The following PPFIBP1 variants were observed in gnomAD, a reference collection of about 807,000 sequenced individuals.
PPFIBP1 encodes PPFIB scaffold protein 1.
Under a neutral mutation model 137.8 loss-of-function variants are expected in PPFIBP1, and 112 were observed. The observed-to-expected ratio is 0.81, with a 90% CI of 0.70 to 0.95. The LOEUF is 0.95. PPFIBP1 is among the 40% of genes least tolerant of loss of function. The pLI is 0.00. For synonymous variants in PPFIBP1, 378 were observed against 417.3 expected (o/e 0.91, Z 1.15); for missense variants, 1,083 against 1,196.6 (o/e 0.91, Z 1.40).
chr12:27,642,195 A>C (rs947064569), intron 4 of PPFIBP1, among the ~76,000 whole-genome samples: 4 of 152,212 alleles, frequency 2.6e-5, no homozygotes, highest in Non-Finnish European at 5.9e-5. Flanking sequence ...TTCCTTAATT[A>C]AATCAAAGTA....
intron 1 of PPFIBP1, among the ~76,000 whole-genome samples, chr12:27,545,240 G>C (rs1041332068): frequency 1.3e-5 from 2 of 152,220 alleles, no homozygotes; most frequent in South Asian, 2.1e-4. Flanking sequence ...TTGGAGGGGT[G>C]GGGGGCAAAG....
At chr12:27,618,458 T>C (rs888918508) in intron 2 of PPFIBP1, among the ~76,000 whole-genome samples, 5 of 152,250 alleles carry the variant, frequency 3.3e-5, no homozygotes, top group Non-Finnish European at 4.4e-5. Flanking sequence ...TTTATCTGCA[T>C]GATAAAACCT....
At chr12:27,603,432 A>T (rs1247701989) in intron 2 of PPFIBP1, among the ~76,000 whole-genome samples, 1 of 152,192 alleles carries the variant, frequency 6.6e-6, no homozygotes, top group Non-Finnish European at 1.5e-5. Context: ...TTTGTATTTT[A>T]TTCTAAAATG....
In PPFIBP1 at chr12:27,692,949, A is replaced by G. The variant is rs372609088; in HGVS notation, c.*67A>G. On this transcript the variant is annotated 3_prime_UTR_variant, in exon 30 of 30. Coordinates refer to ENST00000228425, the MANE Select transcript of PPFIBP1 (RefSeq NM_003622.4). Reference sequence around the variant, plus strand: ...TCTACTTGCTTTTCCAAACACTCACAGTATATACAACAGGCAGCGGATTGT... The same window carrying G: ...TCTACTTGCTTTTCCAAACACTCACGGTATATACAACAGGCAGCGGATTGT... 6.3e-7 allele frequency: 1 copy of G among 1,593,244 alleles called. No homozygotes were observed. Among genetic ancestry groups the G allele is most frequent in the Admixed American group, 1.8e-5 (1 of 56,964 alleles).
chr12:27,692,683 G>A, intron 29 of PPFIBP1, 27 bp downstream of exon 29: 1 of 1,613,988 alleles, frequency 6.2e-7, no homozygotes, highest in South Asian at 1.1e-5. Flanking sequence ...AATTGAAAAT[G>A]TTATTCTATA....
intron 1 of PPFIBP1, among the ~76,000 whole-genome samples, chr12:27,570,028 G>T (rs549102869): frequency 3.9e-5 from 6 of 152,022 alleles, no homozygotes; most frequent in African/African-American, 1.5e-4. Context: ...ATTAGTTATT[G>T]TTATTTAGAG....
At chr12:27,610,790 A>T (rs143773154) in intron 2 of PPFIBP1, among the ~76,000 whole-genome samples, 7 of 152,142 alleles carry the variant, frequency 4.6e-5, no homozygotes, top group Admixed American at 1.3e-4. Flanking sequence ...AAATATTGCT[A>T]TGATTTTGCT....
intron 11 of PPFIBP1, among the ~76,000 whole-genome samples, chr12:27,661,421 C>T (rs1194421928): frequency 3.3e-5 from 5 of 152,136 alleles, no homozygotes; most frequent in East Asian, 1.9e-4. Context: ...CAGAAAACAG[C>T]GGCATGGGCT....
chr12:27,589,608 A>G (rs1271732371), intron 2 of PPFIBP1, among the ~76,000 whole-genome samples: 2 of 152,238 alleles, frequency 1.3e-5, no homozygotes, highest in African/African-American at 2.4e-5. Context: ...TTTTAGGGAC[A>G]GGTTCATACC....
chr12:27,672,431 G>A lies in PPFIBP1; in HGVS notation c.1267G>A (p.Gly423Arg), dbSNP rs1197921340. The stretch of plus-strand genomic sequence containing the variant: ...CTTTTGTTCTTTACATTTTAGTGAT[G>A]GAAACATAATCCTTGGTGCCACTGT... ...KPETSFEENDGNIILGATVDT... is the reference protein window; with the variant it reads ...KPETSFEENDRNIILGATVDT... The change falls in exon 15 of 30, where the codon GGA becomes AGA. Residue 423 changes from glycine (G) to arginine (R), a missense_variant. Transcript: ENST00000228425. 6.2e-7 allele frequency: 1 copy of A among 1,605,826 alleles called. No individual in the cohort carries two copies. Among genetic ancestry groups the A allele is most frequent in the East Asian group, 2.2e-5 (1 of 44,772 alleles).
intron 2 of PPFIBP1, among the ~76,000 whole-genome samples, chr12:27,581,904 C>T (rs1240822379): frequency 2.6e-5 from 4 of 151,778 alleles, no homozygotes; most frequent in African/African-American, 9.7e-5. Context: ...TCTAGGCTCA[C>T]TTTTACCATC....
chr12:27,529,398 T>G (rs934751431), intron 1 of PPFIBP1, among the ~76,000 whole-genome samples: 1 of 152,188 alleles, frequency 6.6e-6, no homozygotes, highest in Admixed American at 6.5e-5. Context: ...AGTCTATTCC[T>G]AAAGAAGTGG....
chr12:27,546,410 A>T (rs1946248495), intron 1 of PPFIBP1, among the ~76,000 whole-genome samples: 1 of 152,320 alleles, frequency 6.6e-6, no homozygotes, highest in South Asian at 2.1e-4. Context: ...TTTTATATGG[A>T]GTACATTAGC....
chr12:27,573,559 A>G (rs2050309748), intron 1 of PPFIBP1, among the ~76,000 whole-genome samples: 1 of 152,244 alleles, frequency 6.6e-6, no homozygotes, highest in South Asian at 2.1e-4. Flanking sequence ...ATGAAGACCA[A>G]ACATGGAAGG....
rs1336785735 is a variant in PPFIBP1, at chr12:27,594,019, G to A, written c.-36+15780G>A. 18 of 1,333,020 alleles carry A rather than the reference G, an allele frequency of 1.4e-5. No individual in the cohort carries two copies. In the Admixed American group the frequency reaches 3.6e-4, roughly 26 times the overall value. 82.6% of individuals were successfully genotyped at this position (1,333,020 alleles called of 1,614,324 possible). A position where few individuals can be genotyped will look rare whatever the true frequency, so the allele number is the denominator to read the frequency against. Reference sequence around the variant, plus strand: ...TGGAGCTGTCGTCCTCTATGTCGCTGTTAGAGGATGAATATGCCATGGAGT... The same window carrying A: ...TGGAGCTGTCGTCCTCTATGTCGCTATTAGAGGATGAATATGCCATGGAGT... On this transcript the variant is annotated intron_variant, in intron 2 of 29. Coordinates refer to ENST00000228425, the MANE Select transcript of PPFIBP1 (RefSeq NM_003622.4).
intron 1 of PPFIBP1, among the ~76,000 whole-genome samples, chr12:27,554,342 AG>A (rs1947067422): frequency 6.6e-6 from 1 of 152,222 alleles, no homozygotes. Flanking sequence ...TTTGGTAAAA[AG>A]ATATACACTA....
intron 13 of PPFIBP1, among the ~76,000 whole-genome samples, chr12:27,668,943 T>C (rs974939631): frequency 4.6e-5 from 7 of 152,218 alleles, no homozygotes; most frequent in African/African-American, 1.7e-4. Flanking sequence ...CTGATAGCCC[T>C]TGTGCTTGAT....
chr12:27,552,124 A>G (rs536108901), intron 1 of PPFIBP1, among the ~76,000 whole-genome samples: 32 of 152,340 alleles, frequency 2.1e-4, no homozygotes, highest in African/African-American at 7.5e-4. Flanking sequence ...TGTTCTGACT[A>G]ATTCATCAGG....
chr12:27,622,472 C>T (rs576865469), intron 2 of PPFIBP1, among the ~76,000 whole-genome samples: 6 of 152,258 alleles, frequency 3.9e-5, no homozygotes, highest in South Asian at 2.1e-4. Flanking sequence ...TACAGTAGAC[C>T]GGTAACAGTT....
Sources: allele counts gnomAD v4.1 joint callset (sites outside exome capture counted in the v4.1 genomes callset), GRCh38; gene constraint gnomAD v4.1.1; transcripts MANE v1.5; gene names NCBI Gene and HGNC (gene_info 2026-07-23, HGNC 2026-07-21).